TTC39A: variants seen among roughly 807,000 people sequenced by gnomAD.
The protein encoded by TTC39A is tetratricopeptide repeat protein 39A.
Under a neutral mutation model 82.3 loss-of-function variants are expected in TTC39A, and 46 were observed. The ratio of observed to expected loss-of-function variants is 0.56; its 90% confidence interval spans 0.44 to 0.71. TTC39A has a LOEUF of 0.71. Ranked by LOEUF, TTC39A falls within the 30% of genes least tolerant of loss-of-function variation. TTC39A has a pLI of 0.00. For synonymous variants in TTC39A, 254 were observed against 275.2 expected, an observed-to-expected ratio of 0.92 and a Z score of 0.76; for missense variants, 543 against 712.9, an observed-to-expected ratio of 0.76 and a Z score of 2.71.
rs1023179745 is a variant in TTC39A, at chr1:51,293,466, A to G, written c.1266+925T>C. On this transcript the variant is annotated intron_variant, in intron 14 of 17. Transcript: ENST00000680483. ...ATAAATATTGACCGTTTCAATTTAT[A>G]AAGTGTTTAACACATTTTCCTCGTT... Among the ~76,000 whole-genome samples, 6 of 152,258 alleles carry G rather than the reference A, an allele frequency of 3.9e-5. No homozygotes were observed. In the South Asian group the frequency reaches 1.2e-3, roughly 31 times the overall value.
intron 2 of TTC39A, among the ~76,000 whole-genome samples, chr1:51,315,344 C>T (rs1185095525): frequency 1.3e-5 from 2 of 152,240 alleles, no homozygotes; most frequent in Non-Finnish European, 2.9e-5. Flanking sequence ...ACCTCAGGCA[C>T]TCCAAGTTTA....
chr1:51,322,902 G>A (rs868792451), intron 1 of TTC39A, among the ~76,000 whole-genome samples: 2 of 152,160 alleles, frequency 1.3e-5, no homozygotes, highest in Admixed American at 1.3e-4. Context: ...CTCCCACTCT[G>A]AGATGCATCA....
intron 7 of TTC39A, chr1:51,305,679 T>G: frequency 4.5e-6 from 2 of 449,388 alleles, no homozygotes; most frequent in South Asian, 2.6e-5. Flanking sequence ...AAGCCCTGAT[T>G]TATTGTGTGT....
At chr1:51,301,475 T>G in intron 12 of TTC39A, 97 bp downstream of exon 12, 1 of 1,427,874 alleles carries the variant, frequency 7.0e-7, no homozygotes, top group Admixed American at 2.2e-5. Flanking sequence ...AGATTCCAGC[T>G]GAGACATCTG....
At chr1:51,341,718 CA>C (rs200268501) in intron 1 of TTC39A, among the ~76,000 whole-genome samples, 1 of 151,628 alleles carries the variant, frequency 6.6e-6, no homozygotes, top group East Asian at 1.9e-4. Context: ...CACACACACA[CA>C]AAAAAAACCT....
At chr1:51,335,040 G>A (rs41292511), upstream of TTC39A, 34,937 of 152,168 alleles carry the variant, frequency 0.23, 5,307 homozygotes, top group African/African-American at 0.43. Flanking sequence ...GTGACAGCTG[G>A]GCCCTGGCGA....
chr1:51,309,356 C>T (rs1375476023), intron 5 of TTC39A, 31 bp from the exon 6 acceptor site: 1 of 1,612,366 alleles, frequency 6.2e-7, no homozygotes, highest in Non-Finnish European at 8.5e-7. Context: ...GACGGCCTGG[C>T]CCAGGTGGGC....
At chr1:51,291,064 C>A (rs1168077602) in intron 14 of TTC39A, among the ~76,000 whole-genome samples, 3 of 152,256 alleles carry the variant, frequency 2.0e-5, no homozygotes, top group Non-Finnish European at 4.4e-5. Flanking sequence ...TACTCCTAGT[C>A]TCCCAAAGCA....
upstream of TTC39A, chr1:51,331,921 C>T (rs1046807855): frequency 9.4e-6 from 6 of 640,858 alleles, no homozygotes; most frequent in Non-Finnish European, 9.7e-6. Context: ...TGTACCAGAT[C>T]GGGGAGCAGC....
At position 51,288,693 on chromosome 1, in the gene TTC39A, C is replaced by A; in HGVS notation, c.1610+146G>T. 1 of 705,800 alleles carries A rather than the reference C, an allele frequency of 1.4e-6. No individual in the cohort carries two copies. The highest frequency in any genetic ancestry group is 1.9e-5 in the South Asian group (1 of 52,868). The allele number at this position is 705,800 out of a possible 1,614,324, so 43.7% of individuals were successfully genotyped here. On this transcript the variant is annotated intron_variant, in intron 17 of 17. Transcript: ENST00000680483. This position sits in a 1 kb window ranked among gnomAD's most constrained non-coding sequence, Gnocchi z 4.8. ...CCTATGACAGGCGAGAGCTGGATTC[C>A]GAGGGACACAGGTCCACCCTCTAGA... is the stretch of plus-strand genomic sequence containing the variant.
At chr1:51,300,466 G>A (rs1305438449) in intron 12 of TTC39A, 2 of 152,254 alleles carry the variant, frequency 1.3e-5, no homozygotes, top group Non-Finnish European at 2.9e-5. Context: ...AGCTTTGCAG[G>A]GAAGGTATCT....
chr1:51,302,718 G>A, intron 9 of TTC39A, 145 bp from the exon 10 acceptor site: 1 of 922,572 alleles, frequency 1.1e-6, no homozygotes, highest in Non-Finnish European at 1.7e-6. Context: ...AGGGTGACAT[G>A]AGGATTAAAT....
chr1:51,335,070 C>T (rs1229925302), upstream of TTC39A: 4 of 152,298 alleles, frequency 2.6e-5, no homozygotes, highest in Non-Finnish European at 5.9e-5. Context: ...ATCCTGAGTC[C>T]TGGATGCCTT....
chr1:51,330,627 C>G, upstream of TTC39A: 5 of 983,412 alleles, frequency 5.1e-6, no homozygotes, highest in Non-Finnish European at 2.4e-6. The surrounding 1 kb of genome is among the most constrained non-coding windows in gnomAD (Gnocchi z 4.5). Flanking sequence ...GGGGCCGGGC[C>G]GAGCCTCGGT....
At chr1:51,324,717 T>C (rs554113906) in intron 1 of TTC39A, among the ~76,000 whole-genome samples, 173 of 151,702 alleles carry the variant, frequency 1.1e-3, no homozygotes, top group African/African-American at 4.0e-3. Context: ...AGAGATGAGG[T>C]TTCACCATGT....
chr1:51,313,190 C>T lies in TTC39A; in HGVS notation c.147-247G>A, dbSNP rs140637365. 4.3e-3 allele frequency among the ~76,000 whole-genome samples: 660 copies of T among 152,312 alleles called. 3 individuals are homozygous for T. The highest frequency in any genetic ancestry group is 6.8e-3 in the Middle Eastern group (2 of 294). On this transcript the variant is annotated intron_variant, in intron 2 of 17. Coordinates refer to ENST00000680483, the MANE Select transcript of TTC39A (RefSeq NM_001297663.2). ...GATCTACCAGATTTGAGCCTCAGTT[C>T]CTCATCAGCTCGGTAGGGGTGGCAG...
At chr1:51,336,310 C>T (rs570806229), upstream of TTC39A, among the ~76,000 whole-genome samples, 18 of 152,198 alleles carry the variant, frequency 1.2e-4, no homozygotes, top group South Asian at 2.9e-3. Flanking sequence ...ATGGACTCTG[C>T]CCCCCGCTAG....
Position 51,287,543 on chromosome 1 carries a change from AT to A in TTC39A, c.*613del, listed in dbSNP as rs763888254. The A allele has an allele frequency of 3.9e-5, 6 of 152,392 alleles. No individual in the cohort carries two copies. The highest frequency in any genetic ancestry group is 2.0e-4 in the Admixed American group (3 of 15,310). The allele number at this position is 152,392 out of a possible 1,614,324, so 9.4% of individuals were successfully genotyped here. A position where few individuals can be genotyped will look rare whatever the true frequency, so the allele number is the denominator to read the frequency against. On this transcript the variant is annotated 3_prime_UTR_variant, in exon 18 of 18. Transcript: ENST00000680483. ...TTATCTCACTAAAAAGACGTGCTTG[AT>A]TTTTAAATTGGAAATTTACAAAAGG...
chr1:51,301,292 AG>A (rs1644646332), intron 12 of TTC39A: 1 of 316,416 alleles, frequency 3.2e-6, no homozygotes, highest in African/African-American at 2.1e-5. Context: ...ATATTTGGGC[AG>A]TGCATAAGTA....
Sources: allele counts gnomAD v4.1 joint callset (sites outside exome capture counted in the v4.1 genomes callset), GRCh38; gene constraint gnomAD v4.1.1; non-coding constraint Gnocchi (gnomAD v3.1); transcripts MANE v1.5; gene names NCBI Gene and HGNC (gene_info 2026-07-23, HGNC 2026-07-21).